Variants in MLLT3 observed in about 807,000 individuals in gnomAD.
The protein encoded by MLLT3 is MLLT3 super elongation complex subunit.
Under a neutral mutation model 53.2 loss-of-function variants are expected in MLLT3, and 4 were observed. That is an observed-to-expected ratio of 0.08 (90% CI 0.04 to 0.17). The LOEUF (loss-of-function observed/expected upper bound fraction) is 0.17, where lower values mean the gene tolerates loss of function less well. MLLT3 is among the 10% of genes least tolerant of loss of function. MLLT3 has a pLI of 1.00. For synonymous variants in MLLT3, 283 were observed against 230.6 expected, an observed-to-expected ratio of 1.23 and a Z score of -2.06; for missense variants, 569 against 684.0, an observed-to-expected ratio of 0.83 and a Z score of 1.87.
chr9:20,546,328 C>G (rs776458138), intron 2 of MLLT3, among the ~76,000 whole-genome samples: 1 of 151,982 alleles, frequency 6.6e-6, no homozygotes, highest in African/African-American at 2.4e-5. Context: ...GGCTTGAGGC[C>G]CAGAGTTTGA....
intron 2 of MLLT3, among the ~76,000 whole-genome samples, chr9:20,528,006 T>G (rs565305851): frequency 6.6e-6 from 1 of 152,240 alleles, no homozygotes; most frequent in South Asian, 2.1e-4. Context: ...CCCAGTGCAA[T>G]AGAAGTTTAT....
chr9:20,601,025 G>A (rs1360433514), intron 2 of MLLT3, among the ~76,000 whole-genome samples: 1 of 152,194 alleles, frequency 6.6e-6, no homozygotes, highest in African/African-American at 2.4e-5. Context: ...GTCAATCACA[G>A]ACATGTTTGC....
chr9:20,461,874 T>G (rs1302674784), intron 2 of MLLT3, among the ~76,000 whole-genome samples: 1 of 152,186 alleles, frequency 6.6e-6, no homozygotes, highest in Non-Finnish European at 1.5e-5. Flanking sequence ...AGAGAGCCCT[T>G]CAGGAAGGAA....
rs1474038728 is a variant in MLLT3 at position 20,606,938 on chromosome 9, A to G, written c.193+13716T>C. ...AAAGCAAAAATAATGTCTTTCTACA[A>G]TAACATAAAGAAAACTCAGAGGTCT... On this transcript the variant is annotated intron_variant, in intron 2 of 10. Coordinates refer to ENST00000380338, the MANE Select transcript of MLLT3 (RefSeq NM_004529.4). 2.0e-5 allele frequency among the ~76,000 whole-genome samples: 3 copies of G among 152,162 alleles called. No individual in the cohort carries two copies. In the East Asian group the frequency reaches 5.8e-4, roughly 29 times the overall value.
At chr9:20,423,298 G>A (rs981842428) in intron 4 of MLLT3, among the ~76,000 whole-genome samples, 1 of 152,164 alleles carries the variant, frequency 6.6e-6, no homozygotes, top group South Asian at 2.1e-4. Context: ...AGAAATGAAA[G>A]AAGATATAGA....
intron 2 of MLLT3, among the ~76,000 whole-genome samples, chr9:20,535,828 G>C (rs1050618163): frequency 3.3e-5 from 5 of 152,110 alleles, no homozygotes; most frequent in African/African-American, 1.2e-4. Flanking sequence ...CAAGTGTTAG[G>C]AGAAATAGGA....
intron 3 of MLLT3, among the ~76,000 whole-genome samples, chr9:20,452,065 G>A (rs2118853038): frequency 6.6e-6 from 1 of 152,280 alleles, no homozygotes; most frequent in Non-Finnish European, 1.5e-5. Flanking sequence ...CACAGGATGG[G>A]GATGTGACCA....
intron 2 of MLLT3, among the ~76,000 whole-genome samples, chr9:20,602,559 T>C (rs1820453027): frequency 6.6e-6 from 1 of 152,128 alleles, no homozygotes; most frequent in Non-Finnish European, 1.5e-5. Flanking sequence ...CTAACCCATA[T>C]AGTACACGCA....
chr9:20,472,670 T>G (rs536231147), intron 2 of MLLT3, among the ~76,000 whole-genome samples: 1 of 152,042 alleles, frequency 6.6e-6, no homozygotes, highest in Admixed American at 6.6e-5. Flanking sequence ...GAAGAAACAG[T>G]TCTTGTTAAC....
chr9:20,593,890 G>A (rs1820186960), intron 2 of MLLT3, among the ~76,000 whole-genome samples: 1 of 150,946 alleles, frequency 6.6e-6, no homozygotes, highest in African/African-American at 2.4e-5. Context: ...AGAATACATT[G>A]TTGTTGTACT....
intron 2 of MLLT3, among the ~76,000 whole-genome samples, chr9:20,495,872 T>C (rs1825068521): frequency 2.0e-5 from 3 of 152,208 alleles, no homozygotes; most frequent in Admixed American, 1.3e-4. Flanking sequence ...ACCCCTATCA[T>C]AGGCCCTCGG....
At chr9:20,467,651 G>A (rs990941646) in intron 2 of MLLT3, among the ~76,000 whole-genome samples, 7 of 152,140 alleles carry the variant, frequency 4.6e-5, no homozygotes, top group Admixed American at 6.5e-5. Context: ...ATAAAAAATC[G>A]CTATTTTGAG....
Position 20,621,713 on chromosome 9 carries a change from GCCCC to G in MLLT3, c.12+528_12+531del. ...CGGCGCTGGGGCAAAGTTGCGTGCG[GCCCC>G]GCCGCTGTCAGCCCCGCACACTTCG... is the stretch of plus-strand genomic sequence containing the variant. On this transcript the variant is annotated intron_variant, in intron 1 of 10. Transcript: ENST00000380338. This position sits in a 1 kb window ranked among gnomAD's most constrained non-coding sequence, Gnocchi z 7.0. 6.8e-7 allele frequency: 1 copy of G among 1,468,438 alleles called. No individual in the cohort carries two copies. The highest frequency in any genetic ancestry group is 9.0e-7 in the Non-Finnish European group (1 of 1,109,786). 91.0% of individuals were successfully genotyped at this position (1,468,438 alleles called of 1,614,324 possible).
intron 4 of MLLT3, among the ~76,000 whole-genome samples, chr9:20,435,546 T>C (rs1823380212): frequency 6.6e-6 from 1 of 152,178 alleles, no homozygotes; most frequent in Admixed American, 6.5e-5. Context: ...AAAGTATTTA[T>C]ATGTCCTCCA....
chr9:20,548,796 T>G (rs117303690), intron 2 of MLLT3, among the ~76,000 whole-genome samples: 4,033 of 151,972 alleles, frequency 0.027, 79 homozygotes, highest in Middle Eastern at 0.095. Flanking sequence ...ATTCTCAAAC[T>G]TACCAAAACA....
chr9:20,573,191 T>TG (rs1246804687), intron 2 of MLLT3, among the ~76,000 whole-genome samples: 1 of 148,720 alleles, frequency 6.7e-6, no homozygotes, highest in African/African-American at 2.5e-5. Context: ...TTGTTTTGTT[T>TG]TTTTTTTTTG....
intron 2 of MLLT3, among the ~76,000 whole-genome samples, chr9:20,505,552 T>A (rs1825360848): frequency 1.3e-5 from 2 of 152,286 alleles, no homozygotes; most frequent in African/African-American, 4.8e-5. Flanking sequence ...GGGCAGAGGA[T>A]AAGAATTCGA....
At chr9:20,552,365 T>C (rs1818945362) in intron 2 of MLLT3, among the ~76,000 whole-genome samples, 1 of 152,204 alleles carries the variant, frequency 6.6e-6, no homozygotes, top group African/African-American at 2.4e-5. Flanking sequence ...GTGTTCCATC[T>C]ACCCTTTTAA....
At chr9:20,531,921 C>T (rs997288869) in intron 2 of MLLT3, among the ~76,000 whole-genome samples, 5 of 151,344 alleles carry the variant, frequency 3.3e-5, no homozygotes, top group Non-Finnish European at 7.4e-5. Context: ...TTAGCTTTCA[C>T]AGGAAAAGCT....
Sources: gnomAD v4.1 joint callset for allele counts (sites outside exome capture counted in the v4.1 genomes callset) on GRCh38, gnomAD v4.1.1 for gene constraint, Gnocchi (gnomAD v3.1) non-coding constraint, MANE v1.5 for transcripts, NCBI Gene and HGNC (gene_info 2026-07-23, HGNC 2026-07-21) for gene names.